DCP1B: variants seen among roughly 807,000 people sequenced by gnomAD.
DCP1B encodes mRNA-decapping enzyme 1B.
DCP1B carries 47 observed loss-of-function variants against 60.5 expected under a neutral mutation model. That is an observed-to-expected ratio of 0.78 (90% CI 0.61 to 0.99). The LOEUF is 0.99. DCP1B is among the 50% of genes least tolerant of loss of function. The pLI is 0.00. For synonymous variants in DCP1B, 267 were observed against 280.3 expected, an observed-to-expected ratio of 0.95 and a Z score of 0.47; for missense variants, 725 against 756.8, an observed-to-expected ratio of 0.96 and a Z score of 0.49.
At chr12:1,975,197 T>C (rs2033939401) in intron 3 of DCP1B, among the ~76,000 whole-genome samples, 1 of 152,170 alleles carries the variant, frequency 6.6e-6, no homozygotes, top group Admixed American at 6.5e-5. Context: ...AAAAGACTCT[T>C]TCCAAAAACC....
At chr12:1,945,152 T>TTA, downstream of DCP1B, among the ~76,000 whole-genome samples, 1 of 152,216 alleles carries the variant, frequency 6.6e-6, no homozygotes, top group Non-Finnish European at 1.5e-5. Flanking sequence ...AAGAAGACAT[T>TTA]TATGTGGCCA....
chr12:1,950,043 G>C (rs1025567545), intron 7 of DCP1B: 8 of 415,678 alleles, frequency 1.9e-5, no homozygotes, highest in Non-Finnish European at 3.0e-5. Flanking sequence ...ATCCTTATCT[G>C]ACTGACTCCT....
Position 1,971,903 on chromosome 12 carries a change from C to T in DCP1B, c.320-3993G>A, listed in dbSNP as rs771680481. 5.9e-5 allele frequency among the ~76,000 whole-genome samples: 9 copies of T among 152,080 alleles called. No homozygotes were observed. The highest frequency in any genetic ancestry group is 9.7e-5 in the African/African-American group (4 of 41,410). Reference sequence around the variant, plus strand: ...CAAATCATGAATGATAGCTTGTAATCGTCTAATGAGGACATGTGATAATGT... The same window carrying T: ...CAAATCATGAATGATAGCTTGTAATTGTCTAATGAGGACATGTGATAATGT... On this transcript the variant is annotated intron_variant, in intron 3 of 8. Transcript: ENST00000280665. The surrounding 1 kb of genome is among the most constrained non-coding windows in gnomAD (Gnocchi z 4.2).
At chr12:1,950,053 T>C in intron 7 of DCP1B, 1 of 461,734 alleles carries the variant, frequency 2.2e-6, no homozygotes, top group Non-Finnish European at 3.9e-6. Context: ...GACTGACTCC[T>C]ACAGCTATCA....
intron 3 of DCP1B, among the ~76,000 whole-genome samples, chr12:1,973,124 C>T (rs921188671): frequency 9.9e-5 from 15 of 152,202 alleles, no homozygotes; most frequent in African/African-American, 2.7e-4. Context: ...TGACCAAACA[C>T]GGACACAATC....
intron 7 of DCP1B, among the ~76,000 whole-genome samples, chr12:1,950,979 G>A (rs1022467408): frequency 5.9e-5 from 9 of 152,220 alleles, no homozygotes; most frequent in East Asian, 1.9e-4. Flanking sequence ...ACTGTTATAA[G>A]TTACATAACA....
chr12:1,989,775 A>G (rs1038075708), intron 3 of DCP1B, among the ~76,000 whole-genome samples: 1 of 152,224 alleles, frequency 6.6e-6, no homozygotes, highest in African/African-American at 2.4e-5. Flanking sequence ...CTTAAGTATT[A>G]TATTTGGGAA....
intron 5 of DCP1B, chr12:1,961,299 G>C (rs576082733): frequency 6.6e-6 from 1 of 152,166 alleles, no homozygotes; most frequent in African/African-American, 2.4e-5. Flanking sequence ...AGACTCCAAG[G>C]GTTCCTGTAC....
At chr12:1,989,878 T>C (rs2154472923) in intron 3 of DCP1B, among the ~76,000 whole-genome samples, 1 of 152,372 alleles carries the variant, frequency 6.6e-6, no homozygotes, top group East Asian at 1.9e-4. Context: ...AGAAGTGGTC[T>C]AATTCAGCTT....
chr12:2,003,673 G>C (rs2042698122), intron 1 of DCP1B, among the ~76,000 whole-genome samples: 1 of 152,168 alleles, frequency 6.6e-6, no homozygotes, highest in Non-Finnish European at 1.5e-5. Context: ...ATCGAACTTG[G>C]TGTGCTGCCG....
At chr12:1,992,452 C>A (rs1368907910) in intron 3 of DCP1B, 1 of 153,206 alleles carries the variant, frequency 6.5e-6, no homozygotes, top group Non-Finnish European at 1.5e-5. Context: ...ATACAGAAAA[C>A]ATTTCTTCAC....
At chr12:1,942,254 A>G (rs889237861), downstream of DCP1B, among the ~76,000 whole-genome samples, 2 of 152,234 alleles carry the variant, frequency 1.3e-5, no homozygotes, top group African/African-American at 4.8e-5. Flanking sequence ...TCCTAAATAT[A>G]TATGCACCCA....
chr12:1,959,057 G>A (rs546863285), intron 5 of DCP1B, among the ~76,000 whole-genome samples: 11 of 148,476 alleles, frequency 7.4e-5, no homozygotes, highest in African/African-American at 2.2e-4. Flanking sequence ...TCTGGGCAAT[G>A]ACTTTTTCTA....
intron 3 of DCP1B, chr12:1,970,891 T>C: frequency 3.2e-6 from 1 of 309,018 alleles, no homozygotes; most frequent in South Asian, 2.9e-5. Context: ...TTAAAAGGAA[T>C]TTTACTGTAA....
chr12:1,977,911 A>G (rs2034928061), intron 3 of DCP1B, among the ~76,000 whole-genome samples: 1 of 152,222 alleles, frequency 6.6e-6, no homozygotes, highest in Non-Finnish European at 1.5e-5. Context: ...GATGTTCTAT[A>G]ATAGCCACCA....
intron 3 of DCP1B, among the ~76,000 whole-genome samples, chr12:1,981,764 G>T (rs2036202401): frequency 1.3e-5 from 2 of 152,114 alleles, no homozygotes; most frequent in South Asian, 4.1e-4. Context: ...AGCTACACAG[G>T]GGACTCACAA....
At chr12:1,977,251 C>A (rs1222429163) in intron 3 of DCP1B, among the ~76,000 whole-genome samples, 1 of 152,202 alleles carries the variant, frequency 6.6e-6, no homozygotes, top group African/African-American at 2.4e-5. Context: ...AAGCACAGAT[C>A]TGTTAGCATG....
chr12:1,974,800 A>G (rs1014050492), intron 3 of DCP1B, among the ~76,000 whole-genome samples: 4 of 152,194 alleles, frequency 2.6e-5, no homozygotes, highest in Admixed American at 1.3e-4. Context: ...CTATCACCAT[A>G]AGTGAATCTC....
intron 3 of DCP1B, among the ~76,000 whole-genome samples, chr12:1,983,253 C>A (rs1162217169): frequency 1.3e-5 from 2 of 149,756 alleles, no homozygotes; most frequent in East Asian, 2.0e-4. Flanking sequence ...TCATTGATTT[C>A]TCTTCTTTTT....
Sources: gnomAD v4.1 joint callset for allele counts (sites outside exome capture counted in the v4.1 genomes callset) on GRCh38, gnomAD v4.1.1 for gene constraint, Gnocchi (gnomAD v3.1) non-coding constraint, MANE v1.5 for transcripts, NCBI Gene and HGNC (gene_info 2026-07-23, HGNC 2026-07-21) for gene names.